Variants in DOCK9 observed in about 807,000 individuals in gnomAD.
DOCK9 encodes the protein dedicator of cytokinesis 9.
In DOCK9, 89 loss-of-function variants were observed where a neutral mutation model predicts 263.3. The ratio of observed to expected loss-of-function variants is 0.34; its 90% confidence interval spans 0.28 to 0.40. DOCK9 has a LOEUF of 0.40. DOCK9 is among the 10% of genes least tolerant of loss of function. The pLI, the probability that DOCK9 is intolerant of heterozygous loss-of-function variation, is 1.00. For synonymous variants in DOCK9, 976 were observed against 973.1 expected (o/e 1.00, Z -0.06); for missense variants, 2,140 against 2,603.4 (o/e 0.82, Z 3.87).
At chr13:98,856,073 G>T in intron 33 of DOCK9, 42 bp from the exon 34 acceptor site, 1 of 1,603,106 alleles carries the variant, frequency 6.2e-7, no homozygotes, top group Non-Finnish European at 8.5e-7. Flanking sequence ...TATTAAGACA[G>T]AACAAAATAA....
chr13:98,850,014 C>CAAGA (rs751664861), intron 36 of DOCK9, 33 bp downstream of exon 36: 25 of 1,473,572 alleles, frequency 1.7e-5, no homozygotes, highest in Non-Finnish European at 2.3e-5. Context: ...AGGAAAAAAT[C>CAAGA]AAGAGGCAGT....
At chr13:98,828,312 C>G (rs1334098625) in intron 43 of DOCK9, among the ~76,000 whole-genome samples, 1 of 152,232 alleles carries the variant, frequency 6.6e-6, no homozygotes, top group African/African-American at 2.4e-5. Flanking sequence ...AGAGGAACAG[C>G]TGAAGCTTAG....
chr13:98,835,029 T>C (rs1339150272), intron 39 of DOCK9, among the ~76,000 whole-genome samples: 1 of 152,256 alleles, frequency 6.6e-6, no homozygotes, highest in African/African-American at 2.4e-5. Context: ...GATAATTCGA[T>C]CTACCAGGCA....
At chr13:98,899,405 CT>C (rs900487821) in intron 13 of DOCK9, among the ~76,000 whole-genome samples, 1 of 152,208 alleles carries the variant, frequency 6.6e-6, no homozygotes, top group Non-Finnish European at 1.5e-5. Context: ...CTAGGCTATA[CT>C]TTTCATGATC....
At chr13:98,911,626 G>A (rs2050053347) in intron 9 of DOCK9, among the ~76,000 whole-genome samples, 1 of 151,732 alleles carries the variant, frequency 6.6e-6, no homozygotes, top group Admixed American at 6.6e-5. Flanking sequence ...CGGGCGTAGT[G>A]GCTCATGCCT....
chr13:99,012,014 G>T (rs1328903975), intron 1 of DOCK9, among the ~76,000 whole-genome samples: 1 of 152,030 alleles, frequency 6.6e-6, no homozygotes, highest in South Asian at 2.1e-4. Context: ...GTACAGACGG[G>T]GTTTCACCAT....
chr13:99,053,283 G>T (rs1008777857), intron 1 of DOCK9, among the ~76,000 whole-genome samples: 1 of 152,152 alleles, frequency 6.6e-6, no homozygotes. Context: ...ATACAAATTT[G>T]CAGGAGAGCA....
In DOCK9 at chr13:98,829,572, GCCT is replaced by G. The variant is rs2092679933; in HGVS notation, c.4750-53_4750-51del. ...GGACACATGGCTTCCTCTGTTTGCTGCCTGTCCACAAGCACCTCAGGTGCTGAT... is the reference window on the plus strand; with the variant it reads ...GGACACATGGCTTCCTCTGTTTGCTGGTCCACAAGCACCTCAGGTGCTGAT... On this transcript the variant is annotated intron_variant, in intron 42 of 52. Coordinates refer to ENST00000682017, the MANE Select transcript of DOCK9 (RefSeq NM_001366683.2). This position sits in a 1 kb window ranked among gnomAD's most constrained non-coding sequence, Gnocchi z 4.1. The G allele has an allele frequency of 6.3e-7, 1 of 1,587,184 alleles. No homozygotes were observed. The highest frequency in any genetic ancestry group is 1.8e-5 in the Admixed American group (1 of 55,910).
intron 1 of DOCK9, among the ~76,000 whole-genome samples, chr13:98,987,072 C>G (rs1022452698): frequency 2.0e-5 from 3 of 151,940 alleles, no homozygotes; most frequent in African/African-American, 7.3e-5. Flanking sequence ...TTCACCACCA[C>G]CACCGCCACC....
chr13:99,052,856 G>C (rs777579747), intron 1 of DOCK9, among the ~76,000 whole-genome samples: 1 of 151,398 alleles, frequency 6.6e-6, no homozygotes, highest in African/African-American at 2.4e-5. Flanking sequence ...TTCTCACTTT[G>C]AGTTGAGTTT....
At position 98,934,231 on chromosome 13, in the gene DOCK9, A is replaced by G. The variant is rs186064842; in HGVS notation, c.244-3974T>C. Among the ~76,000 whole-genome samples the G allele has an allele frequency of 1.5e-3, 230 of 152,222 alleles. 1 individual carries two copies. The highest frequency in any genetic ancestry group is 5.3e-3 in the African/African-American group (222 of 41,544). ...AAATCTAGCCTTTAGAAAAACTGGG[A>G]GCTTCTGTTACCTCCTTCTTGGAAG... is the stretch of plus-strand genomic sequence containing the variant. On this transcript the variant is annotated intron_variant, in intron 2 of 52. Transcript: ENST00000682017.
chr13:99,075,623 C>A (rs979864790), intron 1 of DOCK9, among the ~76,000 whole-genome samples: 1 of 151,952 alleles, frequency 6.6e-6, no homozygotes, highest in Non-Finnish European at 1.5e-5. Flanking sequence ...CCTCAGCCTC[C>A]CAAAGTGCTG....
At chr13:99,069,762 A>C (rs1356356474) in intron 1 of DOCK9, among the ~76,000 whole-genome samples, 1 of 152,248 alleles carries the variant, frequency 6.6e-6, no homozygotes, top group African/African-American at 2.4e-5. Flanking sequence ...TACTTTCCAA[A>C]AAATATGTTT....
chr13:98,877,136 T>C (rs2043984506), intron 27 of DOCK9, among the ~76,000 whole-genome samples: 1 of 152,166 alleles, frequency 6.6e-6, no homozygotes, highest in African/African-American at 2.4e-5. Flanking sequence ...TGGCAGCACC[T>C]CTAGGAGAGG....
chr13:98,989,308 TTAA>T (rs1434433015), intron 1 of DOCK9, among the ~76,000 whole-genome samples: 6 of 136,064 alleles, frequency 4.4e-5, no homozygotes, highest in South Asian at 2.5e-4. Flanking sequence ...AGCTTGAAAA[TTAA>T]TAATAATGAT....
chr13:98,885,510 T>A, intron 20 of DOCK9, 198 bp downstream of exon 20: 1 of 517,992 alleles, frequency 1.9e-6, no homozygotes. Flanking sequence ...GAGGCTGAGG[T>A]GGAAGGACAG....
chr13:98,856,533 C>T (rs950794595), intron 33 of DOCK9: 35 of 152,814 alleles, frequency 2.3e-4, no homozygotes, highest in Admixed American at 1.2e-3. Flanking sequence ...GTGCTATGCT[C>T]CTTTTGAAGA....
intron 30 of DOCK9, among the ~76,000 whole-genome samples, chr13:98,866,693 T>C (rs2094035132): frequency 6.6e-6 from 1 of 152,170 alleles, no homozygotes; most frequent in Non-Finnish European, 1.5e-5. Context: ...CATACAAACA[T>C]TAAAAGCATG....
At position 99,015,848 on chromosome 13, in the gene DOCK9, C is replaced by T; in HGVS notation, c.130-60297G>A. ...GTGGTGCAAACACAAGATGACACACCTCGGATGCACCAAACCTTTAAAGTA... is the reference window on the plus strand; with the variant it reads ...GTGGTGCAAACACAAGATGACACACTTCGGATGCACCAAACCTTTAAAGTA... On this transcript the variant is annotated intron_variant, in intron 1 of 32. Coordinates refer to the DOCK9 transcript ENST00000427887. 2.7e-6 allele frequency: 3 copies of T among 1,105,728 alleles called. No homozygotes were observed. The South Asian group carries it at 1.1e-4, about 42-fold the overall frequency. The allele number at this position is 1,105,728 out of a possible 1,614,324, so 68.5% of individuals were successfully genotyped here. A position where few individuals can be genotyped will look rare whatever the true frequency, so the allele number is the denominator to read the frequency against.
Sources: gnomAD v4.1 joint callset for allele counts (sites outside exome capture counted in the v4.1 genomes callset) on GRCh38, gnomAD v4.1.1 for gene constraint, Gnocchi (gnomAD v3.1) non-coding constraint, MANE v1.5 for transcripts, NCBI Gene and HGNC (gene_info 2026-07-23, HGNC 2026-07-21) for gene names.